SGCZ: variants seen among roughly 807,000 people sequenced by gnomAD.
SGCZ encodes zeta-sarcoglycan.
Under a neutral mutation model 41.3 loss-of-function variants are expected in SGCZ, and 40 were observed. The ratio of observed to expected loss-of-function variants is 0.97; its 90% CI spans 0.75 to 1.26. The LOEUF (loss-of-function observed/expected upper bound fraction) is 1.26, where lower values mean the gene tolerates loss of function less well. Ranked by LOEUF, SGCZ falls within the 50% of genes most tolerant of loss-of-function variation. The pLI is 0.00. For synonymous variants in SGCZ, 206 were observed against 137.5 expected (o/e 1.50, Z -3.49); for missense variants, 552 against 369.8 (o/e 1.49, Z -4.04).
At chr8:14,100,815 CATT>C (rs962135278) in intron 7 of SGCZ, among the ~76,000 whole-genome samples, 4 of 151,782 alleles carry the variant, frequency 2.6e-5, no homozygotes, top group African/African-American at 9.7e-5. Flanking sequence ...ATGACCTCAT[CATT>C]ATATCTGAAG....
At chr8:15,131,461 AGTCTTGGATAT>A (rs1197920647) in intron 1 of SGCZ, among the ~76,000 whole-genome samples, 1 of 152,216 alleles carries the variant, frequency 6.6e-6, no homozygotes, top group African/African-American at 2.4e-5. Flanking sequence ...TAAATTACCC[AGTCTTGGATAT>A]GTCTTTATCA....
intron 1 of SGCZ, among the ~76,000 whole-genome samples, chr8:14,916,791 T>C (rs1030145404): frequency 5.3e-5 from 8 of 152,194 alleles, no homozygotes; most frequent in African/African-American, 1.9e-4. Context: ...TAATCTACAC[T>C]TACGAGTATG....
At chr8:14,173,676 T>A (rs1272683700) in intron 4 of SGCZ, among the ~76,000 whole-genome samples, 1 of 151,924 alleles carries the variant, frequency 6.6e-6, no homozygotes, top group Non-Finnish European at 1.5e-5. Context: ...GAGATTAAAC[T>A]GAACATTAAA....
intron 5 of SGCZ, among the ~76,000 whole-genome samples, chr8:14,162,993 C>A (rs987897196): frequency 3.3e-5 from 5 of 152,190 alleles, no homozygotes; most frequent in Non-Finnish European, 1.5e-5. Flanking sequence ...ACATCAGCCT[C>A]CTGAGTAGCT....
intron 1 of SGCZ, among the ~76,000 whole-genome samples, chr8:14,719,191 T>C (rs920915954): frequency 2.7e-5 from 4 of 150,202 alleles, no homozygotes; most frequent in African/African-American, 9.9e-5. Flanking sequence ...ACTCATCATT[T>C]TTTATGGCTG....
intron 1 of SGCZ, among the ~76,000 whole-genome samples, chr8:15,173,913 A>T (rs1232281478): frequency 2.0e-5 from 3 of 152,076 alleles, no homozygotes; most frequent in Non-Finnish European, 4.4e-5. Context: ...TTTTTAATAG[A>T]GGCAAAGTCT....
rs1471873997 is a variant in SGCZ, at chr8:15,192,880, AG to A, written c.39+44704del. 1.3e-4 allele frequency among the ~76,000 whole-genome samples: 20 copies of A among 152,216 alleles called. No homozygotes were observed. The East Asian group carries it at 3.9e-3, about 29-fold the overall frequency. ...GTTTTGTTTTATTTTAGATATACAG[AG>A]AAAAAAGGAACATTTAAAAAAATAT... On this transcript the variant is annotated intron_variant, in intron 1 of 7. Coordinates refer to ENST00000382080, the MANE Select transcript of SGCZ (RefSeq NM_139167.4).
chr8:14,780,301 G>T (rs1347841897), intron 1 of SGCZ, among the ~76,000 whole-genome samples: 1 of 151,556 alleles, frequency 6.6e-6, no homozygotes, highest in Admixed American at 6.6e-5. Flanking sequence ...CACGAACCCG[G>T]GGGGCAGAGC....
At position 14,324,110 on chromosome 8, in the gene SGCZ, G is replaced by C; in HGVS notation, c.329C>G (p.Ser110Cys). Residue 110 changes from serine to cysteine, a missense_variant, in exon 3 of 8, where the codon TCT becomes TGT. Ser to Cys is a moderately radical substitution (Grantham distance 112). Coordinates refer to ENST00000382080, the MANE Select transcript of SGCZ (RefSeq NM_139167.4). ...LLPLYVKEIH[S>C]RKDSPLVLQS... ...AAAGCCAGTATCACATACCTTTCGA[G>C]AATGAATTTCTTTCACATACAATGG... 6.2e-7 allele frequency: 1 copy of C among 1,609,400 alleles called. No individual in the cohort carries two copies. Among genetic ancestry groups the C allele is most frequent in the Admixed American group, 1.7e-5 (1 of 59,920 alleles).
chr8:14,298,710 A>G (rs1347184098), intron 3 of SGCZ, among the ~76,000 whole-genome samples: 1 of 152,070 alleles, frequency 6.6e-6, no homozygotes, highest in Admixed American at 6.6e-5. Context: ...GGATAAATGT[A>G]ATATGTCAAT....
At chr8:14,457,609 C>T (rs926976492) in intron 2 of SGCZ, among the ~76,000 whole-genome samples, 1 of 152,216 alleles carries the variant, frequency 6.6e-6, no homozygotes, top group Non-Finnish European at 1.5e-5. Flanking sequence ...TCCTGTACAC[C>T]TGGCTCTGCC....
chr8:15,006,135 AG>A (rs1000662815), intron 1 of SGCZ, among the ~76,000 whole-genome samples: 2 of 152,152 alleles, frequency 1.3e-5, no homozygotes, highest in African/African-American at 4.8e-5. Context: ...GGAAAGAGAG[AG>A]GAATAAATAC....
At chr8:14,316,413 G>C (rs1215894627) in intron 3 of SGCZ, among the ~76,000 whole-genome samples, 1 of 151,738 alleles carries the variant, frequency 6.6e-6, no homozygotes, top group Non-Finnish European at 1.5e-5. Flanking sequence ...TATTAAATAA[G>C]AAAAATGATA....
chr8:14,453,379 A>G (rs1182018675), intron 2 of SGCZ, among the ~76,000 whole-genome samples: 1 of 152,222 alleles, frequency 6.6e-6, no homozygotes, highest in Admixed American at 6.5e-5. Context: ...CAATTGAAAT[A>G]ATCAATTTCC....
intron 3 of SGCZ, among the ~76,000 whole-genome samples, chr8:14,304,353 G>C (rs756324548): frequency 6.6e-6 from 1 of 152,078 alleles, no homozygotes; most frequent in Non-Finnish European, 1.5e-5. Flanking sequence ...CATCACTTTG[G>C]GATGCTGAGG....
intron 3 of SGCZ, among the ~76,000 whole-genome samples, chr8:14,250,945 G>A (rs746996952): frequency 1.4e-4 from 22 of 152,010 alleles, no homozygotes; most frequent in Non-Finnish European, 1.5e-4. Context: ...TGACATACTT[G>A]GGCTAGGCAT....
chr8:14,299,984 A>G (rs1585335818), intron 3 of SGCZ, among the ~76,000 whole-genome samples: 1 of 152,028 alleles, frequency 6.6e-6, no homozygotes. Flanking sequence ...GCAAGAATAT[A>G]CACTATGACT....
chr8:15,039,420 A>G (rs1049780757), intron 1 of SGCZ, among the ~76,000 whole-genome samples: 1 of 152,172 alleles, frequency 6.6e-6, no homozygotes, highest in Non-Finnish European at 1.5e-5. Flanking sequence ...CATCTAAAAC[A>G]TCCAACTCAG....
rs542921435 is a variant in SGCZ, at chr8:14,425,078, GTTAT to G, written c.235-100878_235-100875del. On this transcript the variant is annotated intron_variant, in intron 2 of 7. Coordinates refer to ENST00000382080, the MANE Select transcript of SGCZ (RefSeq NM_139167.4). The stretch of plus-strand genomic sequence containing the variant: ...CTTTTTTATTCCATTTTTAAATTTC[GTTAT>G]TTTTTTTCTAATTGATTTGTAAACA... 6.5e-3 allele frequency among the ~76,000 whole-genome samples: 989 copies of G among 151,814 alleles called. 10 individuals are homozygous for G. The highest frequency in any genetic ancestry group is 0.022 in the African/African-American group (913 of 41,384).
Sources: gnomAD v4.1 joint callset for allele counts (sites outside exome capture counted in the v4.1 genomes callset) on GRCh38, gnomAD v4.1.1 for gene constraint, MANE v1.5 for transcripts, NCBI Gene and HGNC (gene_info 2026-07-23, HGNC 2026-07-21) for gene names.